The following MALRD1 variants were observed in gnomAD, a reference collection of about 807,000 sequenced individuals.
MALRD1 encodes the protein MAM and LDL receptor class A domain containing 1, also known as MAM and LDL-receptor class A domain-containing protein 1.
In MALRD1, 247 loss-of-function variants were observed where a neutral mutation model predicts 242.1. That is an observed-to-expected ratio of 1.02 (90% CI 0.92 to 1.13). The LOEUF (loss-of-function observed/expected upper bound fraction) is 1.13. MALRD1 is among the 50% of genes most tolerant of loss of function. The pLI, the probability that MALRD1 is intolerant of heterozygous loss-of-function variation, is 0.00. For synonymous variants in MALRD1, 995 were observed against 866.6 expected (o/e 1.15, Z -2.60); for missense variants, 2,989 against 2,533.1 (o/e 1.18, Z -3.86).
chr10:19,286,541 A>G (rs1564530803), intron 21 of MALRD1, among the ~76,000 whole-genome samples: 1 of 152,164 alleles, frequency 6.6e-6, no homozygotes, highest in Non-Finnish European at 1.5e-5. Context: ...CTCTGTTTAT[A>G]TGCTACACAA....
At chr10:19,373,194 C>A (rs573398807) in intron 26 of MALRD1, among the ~76,000 whole-genome samples, 3 of 88,968 alleles carry the variant, frequency 3.4e-5, no homozygotes, top group African/African-American at 4.9e-5. Context: ...TTTCAGCAAA[C>A]GCTAAATACA....
intron 18 of MALRD1, among the ~76,000 whole-genome samples, chr10:19,246,647 A>G (rs551620107): frequency 6.6e-6 from 1 of 152,132 alleles, no homozygotes. Flanking sequence ...CTTGTGACAG[A>G]TGAAGCTGAG....
intron 31 of MALRD1, among the ~76,000 whole-genome samples, chr10:19,504,503 AC>A (rs1264026064): frequency 6.6e-6 from 1 of 151,696 alleles, no homozygotes; most frequent in Non-Finnish European, 1.5e-5. Flanking sequence ...AAAAGCCAGC[AC>A]TCCCTCACAT....
intron 22 of MALRD1, among the ~76,000 whole-genome samples, chr10:19,326,037 G>T (rs1843118823): frequency 9.7e-6 from 1 of 103,106 alleles, no homozygotes; most frequent in Non-Finnish European, 2.2e-5. Flanking sequence ...ATCAATTTTA[G>T]AATTTTTTTT....
chr10:19,242,006 C>A (rs1355191590), intron 18 of MALRD1, among the ~76,000 whole-genome samples: 1 of 152,038 alleles, frequency 6.6e-6, no homozygotes, highest in Non-Finnish European at 1.5e-5. Context: ...GTTTGGTGTA[C>A]AGTTGAGAAT....
At chr10:19,698,747 C>T (rs1023699865) in intron 38 of MALRD1, among the ~76,000 whole-genome samples, 3 of 152,084 alleles carry the variant, frequency 2.0e-5, no homozygotes, top group Non-Finnish European at 2.9e-5. Context: ...GTAAAGAAAA[C>T]GTTGCTAGGA....
intron 4 of MALRD1, among the ~76,000 whole-genome samples, chr10:19,103,058 C>T (rs899924944): frequency 2.6e-5 from 4 of 151,576 alleles, no homozygotes; most frequent in Non-Finnish European, 4.4e-5. Flanking sequence ...CATGTTTGCC[C>T]GGCTGGTCTA....
intron 31 of MALRD1, among the ~76,000 whole-genome samples, chr10:19,526,819 C>T (rs1037072888): frequency 1.3e-5 from 2 of 152,110 alleles, no homozygotes; most frequent in African/African-American, 4.8e-5. Context: ...CATGACATAG[C>T]CCTAAAATGC....
chr10:19,275,488 G>GA lies in MALRD1; in HGVS notation c.3080-4556dup, dbSNP rs749867189. 4.9e-4 allele frequency among the ~76,000 whole-genome samples: 75 copies of GA among 152,202 alleles called. 1 individual carries two copies. In the East Asian group the frequency reaches 0.011, roughly 23 times the overall value. On this transcript the variant is annotated intron_variant, in intron 19 of 39. Coordinates refer to ENST00000454679, the MANE Select transcript of MALRD1 (RefSeq NM_001142308.3). ...TCAAGACCATCCTGGTTAACACAGT[G>GA]AAACCCCGTCTCTACTAAAAATACA...
At chr10:19,259,329 T>C (rs556589165) in intron 19 of MALRD1, among the ~76,000 whole-genome samples, 1 of 152,256 alleles carries the variant, frequency 6.6e-6, no homozygotes, top group African/African-American at 2.4e-5. Context: ...ATTTATGGTG[T>C]ATTAGTCCAT....
At chr10:19,659,705 A>G (rs1190712737) in intron 36 of MALRD1, among the ~76,000 whole-genome samples, 1 of 152,124 alleles carries the variant, frequency 6.6e-6, no homozygotes, top group East Asian at 1.9e-4. Flanking sequence ...TAGATTGCAT[A>G]TTTAATTTTC....
intron 18 of MALRD1, among the ~76,000 whole-genome samples, chr10:19,237,710 AT>A (rs1163668473): frequency 9.1e-5 from 10 of 110,126 alleles, no homozygotes; most frequent in Admixed American, 3.8e-4. Context: ...AATTATATAT[AT>A]ATTTATATAT....
intron 14 of MALRD1, among the ~76,000 whole-genome samples, chr10:19,196,410 T>C (rs1433682866): frequency 6.6e-6 from 1 of 152,186 alleles, no homozygotes; most frequent in East Asian, 1.9e-4. Flanking sequence ...ACTGTTCTTA[T>C]CCAAGCTACC....
chr10:19,486,753 G>A (rs1192347227), intron 29 of MALRD1, among the ~76,000 whole-genome samples: 1 of 152,200 alleles, frequency 6.6e-6, no homozygotes, highest in African/African-American at 2.4e-5. Context: ...TCTATATAAT[G>A]ATTATATCTG....
intron 14 of MALRD1, among the ~76,000 whole-genome samples, chr10:19,177,000 G>A (rs1835288080): frequency 6.6e-6 from 1 of 152,060 alleles, no homozygotes; most frequent in Admixed American, 6.5e-5. Flanking sequence ...AGTTTGGCCA[G>A]GCACGGTGGC....
chr10:19,193,179 G>A (rs11008874), intron 14 of MALRD1, among the ~76,000 whole-genome samples: 25,459 of 152,112 alleles, frequency 0.17, 2,310 homozygotes, highest in Non-Finnish European at 0.2. Flanking sequence ...TTCAACAAAC[G>A]ATCAACAATA....
intron 20 of MALRD1, among the ~76,000 whole-genome samples, chr10:19,282,246 G>A (rs1840853155): frequency 6.6e-6 from 1 of 152,092 alleles, no homozygotes; most frequent in East Asian, 1.9e-4. Context: ...ACGCCTGAAT[G>A]TCATGACTGA....
chr10:19,309,940 G>A (rs1250030377), intron 21 of MALRD1, among the ~76,000 whole-genome samples: 1 of 151,430 alleles, frequency 6.6e-6, no homozygotes, highest in African/African-American at 2.4e-5. Flanking sequence ...AAGGGACAAG[G>A]GAAGGAGACC....
chr10:19,632,328 G>A (rs112661565), intron 36 of MALRD1, among the ~76,000 whole-genome samples: 2 of 152,162 alleles, frequency 1.3e-5, no homozygotes, highest in East Asian at 3.9e-4. Context: ...CCAATCTCCA[G>A]TTGCTATCTT....
Sources: gnomAD v4.1 joint callset for allele counts (sites outside exome capture counted in the v4.1 genomes callset) on GRCh38, gnomAD v4.1.1 for gene constraint, MANE v1.5 for transcripts, NCBI Gene and HGNC (gene_info 2026-07-23, HGNC 2026-07-21) for gene names.